SEC16B: variants seen among roughly 807,000 people sequenced by gnomAD.
SEC16B encodes protein transport protein Sec16B.
SEC16B carries 115 observed loss-of-function variants against 141.8 expected under a neutral mutation model. That is an observed-to-expected ratio of 0.81 (90% CI 0.70 to 0.95). The LOEUF (loss-of-function observed/expected upper bound fraction) is 0.95. Ranked by LOEUF, SEC16B falls within the 40% of genes least tolerant of loss-of-function variation. SEC16B has a pLI of 0.00. For synonymous variants in SEC16B, 493 were observed against 492.5 expected, an observed-to-expected ratio of 1.00 and a Z score of -0.01; for missense variants, 1,291 against 1,312.3, an observed-to-expected ratio of 0.98 and a Z score of 0.25.
rs746803991 is a variant in SEC16B at position 177,937,357 on chromosome 1, C to A, written c.2360G>T (p.Gly787Val). 6.2e-7 allele frequency: 1 copy of A among 1,613,546 alleles called. No homozygotes were observed. The highest frequency in any genetic ancestry group is 2.2e-5 in the East Asian group (1 of 44,848). Residue 787 changes from glycine (G) to valine (V), a missense_variant, in exon 19 of 26, where the codon GGG (glycine) becomes GTG (valine). Physicochemically the swap from Gly to Val is moderately radical, Grantham distance 109 (BLOSUM62 -3). Transcript: ENST00000308284. ...CGGTGTCCCTGTCTGCCCTGCACCC[C>A]CTCCTGCTGGGTAGGAGCCCGGCTG... ...PLQPGSYPAG[G>V]GAGQTGTPRP...
rs1557992933 is a variant in SEC16B at position 177,967,987 on chromosome 1, ACT to A, written c.-8_-7del. ...TGGGGAGCCCAAAGTTCCATCCTTG[ACT>A]CTCTGAATTTGTCCTGGGTTTTGAG... On this transcript the variant is annotated 5_prime_UTR_variant, in exon 2 of 26. Coordinates refer to ENST00000308284, the MANE Select transcript of SEC16B (RefSeq NM_033127.4). 2 of 1,591,446 alleles carry A rather than the reference ACT, an allele frequency of 1.3e-6. No individual in the cohort carries two copies. Among genetic ancestry groups the A allele is most frequent in the East Asian group, 2.3e-5 (1 of 44,388 alleles).
chr1:177,971,601 A>G (rs1446557002), upstream of SEC16B: 8 of 152,244 alleles, frequency 5.3e-5, no homozygotes, highest in African/African-American at 1.7e-4. Context: ...CTTTTGGCAT[A>G]TAATGTGACA....
chr1:177,952,281 C>G (rs1033943981), intron 11 of SEC16B, among the ~76,000 whole-genome samples: 1 of 152,126 alleles, frequency 6.6e-6, no homozygotes, highest in African/African-American at 2.4e-5. Context: ...GGGCCTTCTT[C>G]CATCACTGAG....
At chr1:177,976,590 C>T (rs1164655946) in intron 1 of SEC16B, among the ~76,000 whole-genome samples, 1 of 152,152 alleles carries the variant, frequency 6.6e-6, no homozygotes, top group African/African-American at 2.4e-5. Flanking sequence ...TCCTTTTCTT[C>T]ATCTGTAAAA....
chr1:177,981,139 T>C (rs1364925447), intron 1 of SEC16B, among the ~76,000 whole-genome samples: 2 of 152,124 alleles, frequency 1.3e-5, no homozygotes. Flanking sequence ...GCCAGGGGGT[T>C]TGCACACAGT....
chr1:177,939,615 G>A, intron 18 of SEC16B, 87 bp downstream of exon 18: 1 of 1,167,124 alleles, frequency 8.6e-7, no homozygotes, highest in Non-Finnish European at 1.2e-6. Context: ...GGAAGCAAAG[G>A]GCGAGTGCTT....
intron 9 of SEC16B, 84 bp from the exon 10 acceptor site, chr1:177,958,446 A>T: frequency 4.4e-6 from 5 of 1,143,990 alleles, no homozygotes; most frequent in Non-Finnish European, 6.1e-6. Context: ...GGCACCAGGG[A>T]GCCTGCCTTC....
intron 12 of SEC16B, among the ~76,000 whole-genome samples, chr1:177,950,308 G>C (rs1652074129): frequency 1.3e-5 from 2 of 152,158 alleles, no homozygotes; most frequent in Non-Finnish European, 2.9e-5. Context: ...GGACACGAGG[G>C]AGAGGACCCC....
At chr1:177,961,184 C>T (rs945639) in intron 6 of SEC16B, 139,106 of 498,748 alleles carry the variant, frequency 0.28, 20,732 homozygotes, top group South Asian at 0.36. Context: ...GCTCTCAGCC[C>T]AGACTCTCAG....
chr1:177,948,869 C>T (rs1011410357), intron 12 of SEC16B, among the ~76,000 whole-genome samples: 3 of 151,926 alleles, frequency 2.0e-5, no homozygotes, highest in Non-Finnish European at 4.4e-5. Context: ...TAAAGCACAT[C>T]GCATGGTGCT....
intron 9 of SEC16B, 195 bp from the exon 10 acceptor site, chr1:177,958,557 G>T: frequency 3.3e-6 from 2 of 601,324 alleles, no homozygotes; most frequent in Non-Finnish European, 5.7e-6. Flanking sequence ...TGCCTGTCAG[G>T]AGCCATAAAG....
chr1:177,954,474 G>A, intron 10 of SEC16B, 98 bp from the exon 11 acceptor site: 1 of 962,472 alleles, frequency 1.0e-6, no homozygotes, highest in South Asian at 1.5e-5. Flanking sequence ...GCAGAGGCTA[G>A]GCTTCCAGAA....
In SEC16B at chr1:177,929,800, A is replaced by G; in HGVS notation, c.*58T>C. Reference sequence around the variant, plus strand: ...GGTAGAGAGGGGCTGGGAGATTGAGAAAAAGAGAGCAAGAAAGTTTCAGTC... The same window carrying G: ...GGTAGAGAGGGGCTGGGAGATTGAGGAAAAGAGAGCAAGAAAGTTTCAGTC... On this transcript the variant is annotated 3_prime_UTR_variant, in exon 26 of 26. Transcript: ENST00000308284. 3 of 1,584,344 alleles carry G rather than the reference A, an allele frequency of 1.9e-6. No homozygotes were observed. The highest frequency in any genetic ancestry group is 1.7e-6 in the Non-Finnish European group (2 of 1,158,446).
intron 1 of SEC16B, among the ~76,000 whole-genome samples, chr1:177,977,146 T>C (rs1654199190): frequency 6.6e-6 from 1 of 152,158 alleles, no homozygotes; most frequent in Non-Finnish European, 1.5e-5. Flanking sequence ...AAACTTTACA[T>C]GTGCAATGGG....
At chr1:177,978,726 A>AATAT (rs1486185959) in intron 1 of SEC16B, among the ~76,000 whole-genome samples, 43 of 144,824 alleles carry the variant, frequency 3.0e-4, no homozygotes, top group African/African-American at 1.0e-3. Flanking sequence ...TAAATAAATA[A>AATAT]ATAAATAAAT....
At chr1:177,940,387 A>C (rs1299522339) in intron 17 of SEC16B, among the ~76,000 whole-genome samples, 1 of 152,168 alleles carries the variant, frequency 6.6e-6, no homozygotes, top group African/African-American at 2.4e-5. Context: ...TCACATGCGA[A>C]CATAGGAAAA....
chr1:177,953,101 G>A (rs958492055), intron 11 of SEC16B, among the ~76,000 whole-genome samples: 1 of 150,768 alleles, frequency 6.6e-6, no homozygotes, highest in Non-Finnish European at 1.5e-5. Context: ...CACCTCCCAG[G>A]TTCAAGCGAT....
chr1:177,951,849 G>A (rs932337112), intron 12 of SEC16B, 65 bp downstream of exon 12: 1 of 1,319,082 alleles, frequency 7.6e-7, no homozygotes, highest in African/African-American at 1.5e-5. Flanking sequence ...GCACTCCTGA[G>A]CAGTCCCCGC....
intron 13 of SEC16B, 86 bp from the exon 14 acceptor site, chr1:177,946,617 G>T: frequency 9.8e-7 from 1 of 1,020,400 alleles, no homozygotes; most frequent in Non-Finnish European, 1.5e-6. Flanking sequence ...ACAGATGGAA[G>T]AGTGGCCTCG....
Sources: allele counts gnomAD v4.1 joint callset (sites outside exome capture counted in the v4.1 genomes callset), GRCh38; gene constraint gnomAD v4.1.1; transcripts MANE v1.5; gene names NCBI Gene and HGNC (gene_info 2026-07-23, HGNC 2026-07-21).